SCARA5: variants seen among roughly 807,000 people sequenced by gnomAD.
SCARA5 encodes scavenger receptor class A member 5, also known as scavenger receptor class A, member 5 (putative).
A neutral mutation model predicts 46.3 loss-of-function variants in SCARA5; 45 were observed. That is an observed-to-expected ratio of 0.97 (90% CI 0.76 to 1.24). SCARA5 has a LOEUF of 1.24. SCARA5 is among the 50% of genes most tolerant of loss of function. The probability of loss-of-function intolerance (pLI) is 0.00; values close to 1 mark genes in which losing one functional copy is unlikely to be tolerated. For missense variants in SCARA5, 680 were observed against 689.0 expected (o/e 0.99, Z 0.15); for synonymous variants, 333 against 306.5 (o/e 1.09, Z -0.90).
intron 4 of SCARA5, 118 bp downstream of exon 4, chr8:27,921,453 A>C: frequency 9.0e-6 from 7 of 779,220 alleles, no homozygotes; most frequent in African/African-American, 1.8e-5. Flanking sequence ...TGGGAATGGC[A>C]AGTGCACTTG....
chr8:27,929,090 A>G lies in SCARA5; in HGVS notation c.242-6845T>C, dbSNP rs984264743. ...AGATTCAAATTAAGACTCTGACTCA[A>G]TATTGATTACTGAATACTAATGAAT... On this transcript the variant is annotated intron_variant, in intron 3 of 8. Coordinates refer to ENST00000354914, the MANE Select transcript of SCARA5 (RefSeq NM_173833.6). Among the ~76,000 whole-genome samples the G allele has an allele frequency of 2.0e-5, 3 of 152,212 alleles. No homozygotes were observed. In the East Asian group the frequency reaches 5.8e-4, roughly 29 times the overall value.
At chr8:27,985,785 A>C (rs1808696738) in intron 2 of SCARA5, among the ~76,000 whole-genome samples, 1 of 152,184 alleles carries the variant, frequency 6.6e-6, no homozygotes, top group African/African-American at 2.4e-5. Flanking sequence ...GCATCAGGGA[A>C]CCCTGGGACA....
chr8:27,951,254 G>A (rs1221922773), intron 3 of SCARA5, among the ~76,000 whole-genome samples: 6 of 152,196 alleles, frequency 3.9e-5, no homozygotes, highest in African/African-American at 1.2e-4. Context: ...ACAGAAAACC[G>A]GTATCAATGC....
At chr8:27,952,893 G>C (rs1399110449) in intron 3 of SCARA5, among the ~76,000 whole-genome samples, 1 of 152,160 alleles carries the variant, frequency 6.6e-6, no homozygotes, top group African/African-American at 2.4e-5. Flanking sequence ...ATAACAGAAG[G>C]GAGCCTTTTG....
At chr8:27,956,644 G>C (rs1285680080) in intron 3 of SCARA5, among the ~76,000 whole-genome samples, 1 of 152,130 alleles carries the variant, frequency 6.6e-6, no homozygotes, top group Non-Finnish European at 1.5e-5. Context: ...TTGACCTCAG[G>C]TTTTCCTAGT....
chr8:27,884,232 A>G (rs1036050458), intron 7 of SCARA5, among the ~76,000 whole-genome samples: 3 of 152,184 alleles, frequency 2.0e-5, no homozygotes, highest in Non-Finnish European at 4.4e-5. Flanking sequence ...TGCAAATACA[A>G]ACTCATTCAG....
rs758288157 is a variant in SCARA5 at position 27,928,817 on chromosome 8, C to G, written c.242-6572G>C. Among the ~76,000 whole-genome samples the G allele has an allele frequency of 3.3e-5, 5 of 152,078 alleles. No individual in the cohort carries two copies. The South Asian group carries it at 1.0e-3, about 32-fold the overall frequency. ...AGTAGTTAGGACTACAGGCACCCACCACCACACCCGGCTAGTTTTTGTATT... is the reference window on the plus strand; with the variant it reads ...AGTAGTTAGGACTACAGGCACCCACGACCACACCCGGCTAGTTTTTGTATT... On this transcript the variant is annotated intron_variant, in intron 3 of 8. Transcript: ENST00000354914.
intron 2 of SCARA5, among the ~76,000 whole-genome samples, chr8:27,983,063 C>G (rs896129885): frequency 6.6e-6 from 1 of 152,202 alleles, no homozygotes; most frequent in African/African-American, 2.4e-5. Context: ...CTCACCTCCT[C>G]TCTTGCTTTT....
chr8:27,951,034 A>G (rs1808118648), intron 3 of SCARA5, among the ~76,000 whole-genome samples: 1 of 152,186 alleles, frequency 6.6e-6, no homozygotes, highest in Non-Finnish European at 1.5e-5. Flanking sequence ...CACGTTACTC[A>G]GAGGATGGCC....
chr8:27,910,743 T>C (rs1272643321), intron 4 of SCARA5, among the ~76,000 whole-genome samples: 1 of 152,184 alleles, frequency 6.6e-6, no homozygotes, highest in African/African-American at 2.4e-5. Flanking sequence ...AGACTGACTT[T>C]GGTGAAAGTT....
At chr8:27,912,560 C>A (rs13253529) in intron 4 of SCARA5, among the ~76,000 whole-genome samples, 1 of 152,152 alleles carries the variant, frequency 6.6e-6, no homozygotes. Flanking sequence ...TCCACTACCC[C>A]TTCCCAGCGA....
chr8:27,981,250 G>T (rs1026600350), intron 2 of SCARA5, among the ~76,000 whole-genome samples: 1 of 152,210 alleles, frequency 6.6e-6, no homozygotes, highest in African/African-American at 2.4e-5. Context: ...ACATCACAGG[G>T]TTTCATAAAA....
At chr8:27,952,982 AC>A (rs1409613718) in intron 3 of SCARA5, among the ~76,000 whole-genome samples, 1 of 152,334 alleles carries the variant, frequency 6.6e-6, no homozygotes, top group East Asian at 1.9e-4. Context: ...AGAGCAGATC[AC>A]TTTTGCAGGA....
At chr8:27,983,585 C>T (rs540069922) in intron 2 of SCARA5, among the ~76,000 whole-genome samples, 3 of 152,210 alleles carry the variant, frequency 2.0e-5, no homozygotes, top group Non-Finnish European at 2.9e-5. Flanking sequence ...GGACTTACCA[C>T]ATCATTTACC....
At chr8:27,990,398 C>T (rs970893958) in intron 1 of SCARA5, among the ~76,000 whole-genome samples, 5 of 152,162 alleles carry the variant, frequency 3.3e-5, no homozygotes, top group African/African-American at 1.2e-4. Flanking sequence ...GATCATGGAT[C>T]TTACTGTCTT....
At chr8:27,949,672 A>G (rs541158466) in intron 3 of SCARA5, among the ~76,000 whole-genome samples, 14 of 152,274 alleles carry the variant, frequency 9.2e-5, no homozygotes, top group African/African-American at 3.1e-4. Flanking sequence ...TTCCACCCCA[A>G]CCGCATCCCA....
chr8:27,991,883 A>ATG (rs1808792147), intron 1 of SCARA5, among the ~76,000 whole-genome samples: 1 of 151,626 alleles, frequency 6.6e-6, no homozygotes, highest in African/African-American at 2.4e-5. Flanking sequence ...ACATGCACAC[A>ATG]CACACATGCA....
At chr8:27,911,304 G>A (rs1807370569) in intron 4 of SCARA5, among the ~76,000 whole-genome samples, 1 of 152,162 alleles carries the variant, frequency 6.6e-6, no homozygotes, top group African/African-American at 2.4e-5. Context: ...AAAATTGCCA[G>A]CTTCCTGAGA....
chr8:27,924,140 G>A (rs959038246), intron 3 of SCARA5, among the ~76,000 whole-genome samples: 2 of 152,092 alleles, frequency 1.3e-5, no homozygotes, highest in African/African-American at 2.4e-5. Context: ...TCCTGTCCAC[G>A]GCTGTTCCCC....
Sources: gnomAD v4.1 joint callset for allele counts (sites outside exome capture counted in the v4.1 genomes callset) on GRCh38, gnomAD v4.1.1 for gene constraint, MANE v1.5 for transcripts, NCBI Gene and HGNC (gene_info 2026-07-23, HGNC 2026-07-21) for gene names.